MYO5B: variants seen among roughly 807,000 people sequenced by gnomAD.
MYO5B encodes myosin VB.
Under a neutral mutation model 229.3 loss-of-function variants are expected in MYO5B, and 143 were observed. The ratio of observed to expected loss-of-function variants is 0.62; its 90% CI spans 0.54 to 0.72. MYO5B has a LOEUF of 0.72. Among genes scored for constraint, MYO5B ranks in the 30% least tolerant of loss-of-function variants. The pLI, the probability that MYO5B is intolerant of heterozygous loss-of-function variation, is 0.00. For missense variants in MYO5B, 2,321 were observed against 2,331.0 expected (o/e 1.00, Z 0.09); for synonymous variants, 918 against 885.2 (o/e 1.04, Z -0.66).
rs375595990 is a variant in MYO5B at position 49,904,833 on chromosome 18, G to C, written c.2415-5C>G. ...CTCCGCAGGTGCTCAGCCAGCCTGG[G>C]GAGCAAGAGGAAACAGGCAGTGTCA... is the stretch of plus-strand genomic sequence containing the variant. On this transcript the variant is annotated splice_region_variant and splice_polypyrimidine_tract_variant and intron_variant, in intron 19 of 39. Transcript: ENST00000285039. 6.2e-7 allele frequency: 1 copy of C among 1,613,338 alleles called. No homozygotes were observed. The highest frequency in any genetic ancestry group is 1.3e-5 in the African/African-American group (1 of 74,902).
chr18:50,145,052 T>TCC (rs1231668473), intron 1 of MYO5B, among the ~76,000 whole-genome samples: 1 of 152,160 alleles, frequency 6.6e-6, no homozygotes, highest in Non-Finnish European at 1.5e-5. Flanking sequence ...ACTCAGTGCT[T>TCC]CCCTTCAGGA....
chr18:49,894,341 C>T (rs1252163104), intron 22 of MYO5B, among the ~76,000 whole-genome samples: 1 of 152,186 alleles, frequency 6.6e-6, no homozygotes, highest in East Asian at 1.9e-4. Context: ...GGGGGGTCTC[C>T]AGGGGCCCTT....
At chr18:49,852,357 G>T (rs2144058528) in intron 31 of MYO5B, among the ~76,000 whole-genome samples, 1 of 152,262 alleles carries the variant, frequency 6.6e-6, no homozygotes, top group African/African-American at 2.4e-5. Flanking sequence ...TTAACATGGT[G>T]CATTTCTTTT....
At chr18:49,906,320 C>CT in intron 19 of MYO5B, 99 bp downstream of exon 19, 1 of 1,242,040 alleles carries the variant, frequency 8.1e-7, no homozygotes, top group Admixed American at 1.9e-5. Flanking sequence ...AGGAACCACT[C>CT]TCAGCACAGA....
chr18:49,928,789 A>G (rs1299960549), intron 17 of MYO5B, among the ~76,000 whole-genome samples: 1 of 152,244 alleles, frequency 6.6e-6, no homozygotes, highest in African/African-American at 2.4e-5. Context: ...ACTCAGCCAT[A>G]AAAAGGAACA....
At chr18:49,832,564 T>C (rs1396414339) in intron 39 of MYO5B, among the ~76,000 whole-genome samples, 1 of 152,204 alleles carries the variant, frequency 6.6e-6, no homozygotes, top group Non-Finnish European at 1.5e-5. Flanking sequence ...TGAAAATCGC[T>C]GGGAAATAGG....
intron 1 of MYO5B, among the ~76,000 whole-genome samples, chr18:50,124,223 T>C (rs2032118255): frequency 6.6e-6 from 1 of 152,226 alleles, no homozygotes; most frequent in African/African-American, 2.4e-5. Context: ...GCAGAGAGGT[T>C]CTGGTAACTG....
chr18:49,976,340 A>C (rs2025750340), intron 9 of MYO5B, among the ~76,000 whole-genome samples: 1 of 152,220 alleles, frequency 6.6e-6, no homozygotes, highest in African/African-American at 2.4e-5. Context: ...CCATCTACCC[A>C]AAACAGTTAT....
intron 14 of MYO5B, among the ~76,000 whole-genome samples, chr18:49,941,387 G>T (rs995110622): frequency 1.3e-5 from 2 of 152,194 alleles, no homozygotes; most frequent in Non-Finnish European, 2.9e-5. Flanking sequence ...ACCATGATTA[G>T]CACTAGAGAA....
At chr18:49,838,559 A>T (rs1407202465) in intron 36 of MYO5B, among the ~76,000 whole-genome samples, 1 of 152,212 alleles carries the variant, frequency 6.6e-6, no homozygotes, top group African/African-American at 2.4e-5. Context: ...GAACCTGGGG[A>T]AAGCATTATG....
intron 20 of MYO5B, 97 bp from the exon 21 acceptor site, chr18:49,902,930 C>A (rs1343774364): frequency 8.0e-6 from 12 of 1,495,634 alleles, no homozygotes; most frequent in South Asian, 3.6e-5. Flanking sequence ...GAGGCCAGGG[C>A]AGCCTTGGTT....
chr18:49,923,692 T>G (rs1390766853), intron 17 of MYO5B, among the ~76,000 whole-genome samples: 1 of 152,222 alleles, frequency 6.6e-6, no homozygotes, highest in Non-Finnish European at 1.5e-5. Flanking sequence ...AGCTCCTCCC[T>G]AACGTTCTCC....
chr18:50,037,978 T>C (rs542621014), intron 3 of MYO5B, among the ~76,000 whole-genome samples: 16 of 152,326 alleles, frequency 1.1e-4, no homozygotes, highest in African/African-American at 3.8e-4. Context: ...ATCTCAACTT[T>C]TTTCCCTTAC....
chr18:50,177,457 T>C (rs2033013236), intron 1 of MYO5B, among the ~76,000 whole-genome samples: 1 of 152,232 alleles, frequency 6.6e-6, no homozygotes, highest in African/African-American at 2.4e-5. Context: ...TTGTAATTTA[T>C]GGGAATCATT....
chr18:49,921,221 G>C (rs2025071373), intron 17 of MYO5B, among the ~76,000 whole-genome samples: 1 of 151,102 alleles, frequency 6.6e-6, no homozygotes, highest in Non-Finnish European at 1.5e-5. Context: ...AAGTGAAGGT[G>C]GGAGGATGTG....
At chr18:49,867,127 G>T (rs772773544) in intron 27 of MYO5B, among the ~76,000 whole-genome samples, 2 of 152,168 alleles carry the variant, frequency 1.3e-5, no homozygotes, top group Non-Finnish European at 2.9e-5. Flanking sequence ...GCTTCAGAAG[G>T]GTTTCCCTGG....
chr18:50,057,315 T>C (rs2030574094), intron 1 of MYO5B, among the ~76,000 whole-genome samples: 1 of 152,126 alleles, frequency 6.6e-6, no homozygotes, highest in Non-Finnish European at 1.5e-5. Context: ...CTCCTGGGAC[T>C]CCCCCTTCAG....
At position 50,195,037 on chromosome 18, in the gene MYO5B, G is replaced by A. The variant is rs942948962; in HGVS notation, c.-244C>T. Reference sequence around the variant, plus strand: ...GACAGGAGTTGCGAGCGCCGGGGGAGGAGGCCGCGCCGCACCACTCCCCTC... The same window carrying A: ...GACAGGAGTTGCGAGCGCCGGGGGAAGAGGCCGCGCCGCACCACTCCCCTC... On this transcript the variant is annotated 5_prime_UTR_variant, in exon 1 of 40. Coordinates refer to ENST00000285039, the MANE Select transcript of MYO5B (RefSeq NM_001080467.3). The A allele has an allele frequency of 1.8e-5, 7 of 382,818 alleles. No homozygotes were observed. The highest frequency in any genetic ancestry group is 2.6e-5 in the Non-Finnish European group (6 of 227,598). The allele number at this position is 382,818 out of a possible 1,614,324, so 23.7% of individuals were successfully genotyped here.
intron 39 of MYO5B, among the ~76,000 whole-genome samples, chr18:49,830,829 C>CAAAAAAAA (rs59785909): frequency 1.4e-5 from 1 of 72,950 alleles, no homozygotes; most frequent in Non-Finnish European, 2.7e-5. Context: ...GACTCTGTCT[C>CAAAAAAAA]AAAAAAAAAA....
Sources: allele counts gnomAD v4.1 joint callset (sites outside exome capture counted in the v4.1 genomes callset), GRCh38; gene constraint gnomAD v4.1.1; transcripts MANE v1.5; gene names NCBI Gene and HGNC (gene_info 2026-07-23, HGNC 2026-07-21).